PTPRD: variants seen among roughly 807,000 people sequenced by gnomAD.
PTPRD encodes the protein protein tyrosine phosphatase receptor type D, also known as receptor-type tyrosine-protein phosphatase delta.
A neutral mutation model predicts 214.5 loss-of-function variants in PTPRD; 34 were observed. The observed-to-expected ratio is 0.16, with a 90% confidence interval of 0.12 to 0.21. The LOEUF (loss-of-function observed/expected upper bound fraction) is 0.21. PTPRD is among the 10% of genes least tolerant of loss of function. The probability of loss-of-function intolerance (pLI) is 1.00; values close to 1 mark genes in which losing one functional copy is unlikely to be tolerated. For missense variants in PTPRD, 2,545 were observed against 2,398.7 expected (o/e 1.06, Z -1.27); for synonymous variants, 1,128 against 845.7 (o/e 1.33, Z -5.79).
At chr9:9,522,698 A>T (rs1590650448) in intron 8 of PTPRD, among the ~76,000 whole-genome samples, 2 of 152,194 alleles carry the variant, frequency 1.3e-5, no homozygotes, top group East Asian at 3.8e-4. Context: ...ATAAATTTTT[A>T]AAAAGGCTTT....
intron 9 of PTPRD, among the ~76,000 whole-genome samples, chr9:9,205,138 A>T (rs2099944080): frequency 6.6e-6 from 1 of 152,112 alleles, no homozygotes; most frequent in Admixed American, 6.6e-5. Context: ...TCACTTATTT[A>T]AAAAAAATCT....
chr9:8,774,551 T>TTTTTTTTTTTAAA (rs2095387013), intron 11 of PTPRD, among the ~76,000 whole-genome samples: 1 of 69,974 alleles, frequency 1.4e-5, no homozygotes, highest in African/African-American at 6.0e-5. Flanking sequence ...TTTTTTTTTT[T>TTTTTTTTTTTAAA]GAAACGGAGT....
intron 11 of PTPRD, among the ~76,000 whole-genome samples, chr9:8,956,700 G>A (rs2099133381): frequency 6.6e-6 from 1 of 151,766 alleles, no homozygotes; most frequent in South Asian, 2.1e-4. Context: ...CACGACAGAA[G>A]CAGAACATTT....
At chr9:8,419,297 C>T (rs897885500) in intron 35 of PTPRD, among the ~76,000 whole-genome samples, 2 of 143,030 alleles carry the variant, frequency 1.4e-5, no homozygotes, top group African/African-American at 5.1e-5. Context: ...TAAAAGTAAA[C>T]AGAATTTTAT....
intron 7 of PTPRD, among the ~76,000 whole-genome samples, chr9:9,659,246 G>T (rs528406557): frequency 6.6e-6 from 1 of 152,116 alleles, no homozygotes; most frequent in East Asian, 1.9e-4. Context: ...TTTTACATAT[G>T]TGTAGCTTAA....
At chr9:9,008,429 G>A (rs977099273) in intron 11 of PTPRD, among the ~76,000 whole-genome samples, 5 of 151,476 alleles carry the variant, frequency 3.3e-5, no homozygotes, top group Admixed American at 6.6e-5. Context: ...GGGTTTCACC[G>A]TGTTAGCCAG....
At chr9:10,362,078 A>G (rs2097403521) in intron 2 of PTPRD, among the ~76,000 whole-genome samples, 1 of 152,232 alleles carries the variant, frequency 6.6e-6, no homozygotes, top group Admixed American at 6.5e-5. Flanking sequence ...AGCAACTGCC[A>G]CAGCTTAACT....
intron 9 of PTPRD, among the ~76,000 whole-genome samples, chr9:9,380,369 G>T (rs2061861070): frequency 2.0e-5 from 3 of 151,938 alleles, no homozygotes; most frequent in South Asian, 4.1e-4. Flanking sequence ...TTATATATTT[G>T]TTTTTAATTT....
intron 7 of PTPRD, among the ~76,000 whole-genome samples, chr9:9,596,601 C>T (rs1473753494): frequency 2.6e-5 from 4 of 151,906 alleles, no homozygotes; most frequent in Non-Finnish European, 4.4e-5. Flanking sequence ...TATTGCTAGT[C>T]TCCTTTCAAA....
At chr9:9,470,859 A>G (rs1447522748) in intron 8 of PTPRD, among the ~76,000 whole-genome samples, 2 of 152,212 alleles carry the variant, frequency 1.3e-5, no homozygotes, top group African/African-American at 2.4e-5. Flanking sequence ...GGAGGTTTAA[A>G]ATCAGGCAAG....
At chr9:10,334,506 TA>T (rs2096808890) in intron 3 of PTPRD, among the ~76,000 whole-genome samples, 1 of 149,750 alleles carries the variant, frequency 6.7e-6, no homozygotes, top group Non-Finnish European at 1.5e-5. Context: ...AGATCAGGAA[TA>T]AAGCAACAAT....
intron 11 of PTPRD, among the ~76,000 whole-genome samples, chr9:8,917,082 T>C (rs958652021): frequency 1.3e-5 from 2 of 151,212 alleles, no homozygotes; most frequent in African/African-American, 4.8e-5. Flanking sequence ...CAATCCCCAT[T>C]GTATAGGCAA....
chr9:8,699,276 C>A (rs539079722), intron 12 of PTPRD, among the ~76,000 whole-genome samples: 4 of 152,286 alleles, frequency 2.6e-5, no homozygotes, highest in African/African-American at 9.6e-5. Context: ...AATCAAGTTT[C>A]TGGTTTCTTG....
chr9:10,418,898 T>A (rs1367969391), intron 2 of PTPRD, among the ~76,000 whole-genome samples: 1 of 151,860 alleles, frequency 6.6e-6, no homozygotes, highest in Non-Finnish European at 1.5e-5. Context: ...TTCACTACAG[T>A]ATCAAGGAAA....
intron 10 of PTPRD, among the ~76,000 whole-genome samples, chr9:9,137,096 G>A (rs1445035445): frequency 6.6e-6 from 1 of 152,136 alleles, no homozygotes; most frequent in African/African-American, 2.4e-5. Context: ...GTAATTTATT[G>A]CTAATGGAAT....
chr9:10,228,203 T>C (rs4143460), intron 3 of PTPRD, among the ~76,000 whole-genome samples: 96,228 of 151,850 alleles, frequency 0.63, 32,467 homozygotes, highest in Non-Finnish European at 0.75. Flanking sequence ...GGAAGAGATA[T>C]GTGCCTCTAT....
intron 7 of PTPRD, among the ~76,000 whole-genome samples, chr9:9,706,605 A>G (rs776954985): frequency 6.6e-6 from 1 of 151,834 alleles, no homozygotes; most frequent in Admixed American, 6.6e-5. Flanking sequence ...ACACCCAGCT[A>G]TTTTTTGTAT....
At chr9:9,635,236 T>C (rs1361132316) in intron 7 of PTPRD, among the ~76,000 whole-genome samples, 1 of 152,206 alleles carries the variant, frequency 6.6e-6, no homozygotes, top group Admixed American at 6.5e-5. Flanking sequence ...GTCTGAGGGA[T>C]GTATGCTTTC....
At chr9:9,966,409 G>A (rs1262423636) in intron 4 of PTPRD, among the ~76,000 whole-genome samples, 3 of 152,020 alleles carry the variant, frequency 2.0e-5, no homozygotes, top group Non-Finnish European at 4.4e-5. Context: ...TGTTTCTAAG[G>A]TAGGCGTGTG....
Sources: gnomAD v4.1 joint callset for allele counts (sites outside exome capture counted in the v4.1 genomes callset) on GRCh38, gnomAD v4.1.1 for gene constraint, MANE v1.5 for transcripts, NCBI Gene and HGNC (gene_info 2026-07-23, HGNC 2026-07-21) for gene names.